The following ILF2 variants were observed in gnomAD, a reference collection of about 807,000 sequenced individuals.
ILF2 encodes the protein interleukin enhancer binding factor 2, also known as interleukin enhancer-binding factor 2.
A neutral mutation model predicts 55.3 loss-of-function variants in ILF2; 9 were observed. That is an observed-to-expected ratio of 0.16 (90% CI 0.10 to 0.28). The LOEUF (loss-of-function observed/expected upper bound fraction) is 0.28, where lower values mean the gene tolerates loss of function less well. ILF2 is among the 10% of genes least tolerant of loss of function. ILF2 has a pLI of 1.00. For missense variants in ILF2, 266 were observed against 474.9 expected (o/e 0.56, Z 4.09); for synonymous variants, 151 against 161.8 (o/e 0.93, Z 0.50).
At chr1:153,668,174 C>T (rs1459777800) in intron 4 of ILF2, 97 bp from the exon 5 acceptor site, 1 of 934,610 alleles carries the variant, frequency 1.1e-6, no homozygotes, top group Non-Finnish European at 1.6e-6. Flanking sequence ...TACAAGCTGA[C>T]TCAATACTGA....
chr1:153,670,112 T>G, intron 2 of ILF2, 59 bp downstream of exon 2: 1 of 1,557,598 alleles, frequency 6.4e-7, no homozygotes. Context: ...AAAACTCCTA[T>G]TTAGATGACA....
At chr1:153,664,303 A>G in intron 9 of ILF2, 93 bp downstream of exon 9, 1 of 1,184,622 alleles carries the variant, frequency 8.4e-7, no homozygotes, top group Non-Finnish European at 1.3e-6. Flanking sequence ...GGTCACAGGC[A>G]AAATAGTTCT....
rs1376141539 is a variant in ILF2, at chr1:153,668,570, T to G, written c.109-13A>C. The G allele has an allele frequency of 2.5e-6, 4 of 1,606,014 alleles. No individual in the cohort carries two copies. Among genetic ancestry groups the G allele is most frequent in the Non-Finnish European group, 2.6e-6 (3 of 1,175,794 alleles). ...AGGCCATTTCACACTAAACCAGAAGTAAACAACTACATTCTATTTGCCGAA... is the reference window on the plus strand; with the variant it reads ...AGGCCATTTCACACTAAACCAGAAGGAAACAACTACATTCTATTTGCCGAA... On this transcript the variant is annotated splice_polypyrimidine_tract_variant and intron_variant, in intron 3 of 13. Transcript: ENST00000361891.
intron 7 of ILF2, 111 bp downstream of exon 7, chr1:153,665,550 ACT>A (rs1669284603): frequency 1.0e-6 from 1 of 994,780 alleles, no homozygotes; most frequent in African/African-American, 1.6e-5. Context: ...ACAACATAAA[ACT>A]CTGCATTTAC....
At chr1:153,669,588 T>C (rs1669393311) in intron 3 of ILF2, among the ~76,000 whole-genome samples, 1 of 152,112 alleles carries the variant, frequency 6.6e-6, no homozygotes, top group South Asian at 2.1e-4. Context: ...GTAGCTGGGA[T>C]TAGACACATG....
chr1:153,662,291 T>C lies in ILF2; in HGVS notation c.*105A>G. 1 of 1,411,254 alleles carries C rather than the reference T, an allele frequency of 7.1e-7. No homozygotes were observed. The highest frequency in any genetic ancestry group is 2.4e-4 in the Middle Eastern group (1 of 4,144). 87.4% of individuals were successfully genotyped at this position (1,411,254 alleles called of 1,614,324 possible). A position where few individuals can be genotyped will look rare whatever the true frequency, so the allele number is the denominator to read the frequency against. On this transcript the variant is annotated 3_prime_UTR_variant, in exon 14 of 14. Transcript: ENST00000361891. ...CTATGGAGTTTACTTTTCTTCCTGC[T>C]ATCTTCCCTATCCCACGGAAATGTC...
intron 6 of ILF2, among the ~76,000 whole-genome samples, chr1:153,666,436 G>T (rs1557952708): frequency 6.6e-6 from 1 of 152,178 alleles, no homozygotes; most frequent in Non-Finnish European, 1.5e-5. Context: ...TAAGTGTTGG[G>T]ATTACAGGCG....
chr1:153,664,624 A>G, intron 8 of ILF2, 150 bp from the exon 9 acceptor site: 5 of 647,720 alleles, frequency 7.7e-6, no homozygotes, highest in Non-Finnish European at 1.4e-5. Context: ...CAGTGGCGTG[A>G]TCTCAGCTCA....
intron 10 of ILF2, 49 bp downstream of exon 10, chr1:153,663,992 CTA>C (rs369602600): frequency 0.34 from 296,583 of 872,126 alleles, 58,466 homozygotes; most frequent in East Asian, 0.54. Flanking sequence ...ACTACTACTA[CTA>C]CTAGTAAATA....
rs568724968 is a variant in ILF2, at chr1:153,669,144, G to T, written c.109-587C>A. ...GAATCGTTTGAACCCTGGAGGCAGA[G>T]GTCCTGATTCCTCTGCCTCCCAGGT... On this transcript the variant is annotated intron_variant, in intron 3 of 13. Coordinates refer to ENST00000361891, the MANE Select transcript of ILF2 (RefSeq NM_004515.4). 7.9e-5 allele frequency among the ~76,000 whole-genome samples: 12 copies of T among 152,104 alleles called. 1 individual carries two copies. In the South Asian group the frequency reaches 2.5e-3, roughly 32 times the overall value.
Position 153,668,534 on chromosome 1 carries a change from G to T in ILF2, c.132C>A (p.Val44=), listed in dbSNP as rs1439611021. ...AGGAAGTTTCATCAGGTGCTGGCTT[G>T]ACCCGGGGAAAGGCCATTTCACACT... is the stretch of plus-strand genomic sequence containing the variant. ...FYLCEMAFPR[V]KPAPDETSFS... The change falls in exon 4 of 14, where the codon GTC becomes GTA. Residue 44 remains valine, a synonymous_variant. Coordinates refer to ENST00000361891, the MANE Select transcript of ILF2 (RefSeq NM_004515.4). 3.7e-6 allele frequency: 6 copies of T among 1,613,606 alleles called. No individual in the cohort carries two copies. In the African/African-American group the frequency reaches 6.7e-5, roughly 18 times the overall value.
chr1:153,664,770 A>C (rs1158671912), intron 8 of ILF2, among the ~76,000 whole-genome samples: 2 of 152,086 alleles, frequency 1.3e-5, no homozygotes, highest in Admixed American at 1.3e-4. Flanking sequence ...GTTGGCCAGG[A>C]TGGTCTCCAA....
Position 153,664,262 on chromosome 1 carries a change from C to T in ILF2, c.657-132G>A, listed in dbSNP as rs897702630. The T allele has an allele frequency of 9.8e-6, 10 of 1,018,420 alleles. No individual in the cohort carries two copies. The African/African-American group carries it at 1.6e-4, about 16-fold the overall frequency. The allele number at this position is 1,018,420 out of a possible 1,614,324, so 63.1% of individuals were successfully genotyped here. Reference sequence around the variant, plus strand: ...GCTTTCTCTAAATCTTAATTTGCTTCCTTAAGGTAAAAATAAAAATCCAGA... The same window carrying T: ...GCTTTCTCTAAATCTTAATTTGCTTTCTTAAGGTAAAAATAAAAATCCAGA... On this transcript the variant is annotated intron_variant, in intron 9 of 13. Transcript: ENST00000361891.
chr1:153,665,574 G>A (rs1669285582), intron 7 of ILF2, 89 bp downstream of exon 7: 1 of 1,137,528 alleles, frequency 8.8e-7, no homozygotes, highest in Non-Finnish European at 1.3e-6. Flanking sequence ...CTTCCATCTG[G>A]TCTGATCTGA....
At position 153,664,065 on chromosome 1, in the gene ILF2, G is replaced by C; in HGVS notation, c.722C>G (p.Thr241Arg). The C allele has an allele frequency of 6.2e-7, 1 of 1,613,066 alleles. No homozygotes were observed. The highest frequency in any genetic ancestry group is 8.5e-7 in the Non-Finnish European group (1 of 1,179,206). Residue 241 changes from threonine to arginine, a missense_variant, in exon 10 of 14, where the codon ACA becomes AGA. By Grantham distance (71) the Thr-to-Arg change is moderately conservative. Transcript: ENST00000361891. Reference protein sequence around the residue: ...RIRFPGFEPLTPWILDLLGHY... With the variant: ...RIRFPGFEPLRPWILDLLGHY... ...TACTAGTAGGTCAAGGATCCAGGGT[G>C]TGAGGGGCTCAAAGCCAGGAAAACG...
At position 153,668,601 on chromosome 1, in the gene ILF2, T is replaced by C. The variant is rs753184612; in HGVS notation, c.109-44A>G. 4 of 1,551,564 alleles carry C rather than the reference T, an allele frequency of 2.6e-6. No individual in the cohort carries two copies. In the South Asian group the frequency reaches 3.6e-5, roughly 14 times the overall value. Reference sequence around the variant, plus strand: ...ACTACATTCTATTTGCCGAAGATAATATACAGGAGAGATTGTTTTTTCTAT... The same window carrying C: ...ACTACATTCTATTTGCCGAAGATAACATACAGGAGAGATTGTTTTTTCTAT... On this transcript the variant is annotated intron_variant, in intron 3 of 13. Coordinates refer to ENST00000361891, the MANE Select transcript of ILF2 (RefSeq NM_004515.4).
chr1:153,670,945 G>A lies in ILF2; in HGVS notation c.-23C>T, dbSNP rs148808005. The A allele has an allele frequency of 1.1e-3, 1,809 of 1,614,176 alleles. 16 individuals are homozygous for A. In the African/African-American group the frequency reaches 0.021, roughly 19 times the overall value. On this transcript the variant is annotated 5_prime_UTR_variant, in exon 1 of 14. Transcript: ENST00000361891. Reference sequence around the variant, plus strand: ...CATGGCGCCTTAAAACACGAACAATGGAGGCCGCACCAACCGCCCCTTCCT... The same window carrying A: ...CATGGCGCCTTAAAACACGAACAATAGAGGCCGCACCAACCGCCCCTTCCT...
chr1:153,664,981 CAGTCCTTTTTA>C (rs1405172326), intron 8 of ILF2, among the ~76,000 whole-genome samples: 1 of 152,248 alleles, frequency 6.6e-6, no homozygotes, highest in African/African-American at 2.4e-5. Context: ...AATATTTTCT[CAGTCCTTTTTA>C]AGTCCTCCAA....
At chr1:153,670,841 T>C (rs1195146854) in intron 1 of ILF2, 77 bp downstream of exon 1, 1 of 1,572,196 alleles carries the variant, frequency 6.4e-7, no homozygotes, top group Non-Finnish European at 8.8e-7. Flanking sequence ...TTTCTGATAC[T>C]CCGACTTCTT....
Sources: gnomAD v4.1 joint callset for allele counts (sites outside exome capture counted in the v4.1 genomes callset) on GRCh38, gnomAD v4.1.1 for gene constraint, MANE v1.5 for transcripts, NCBI Gene and HGNC (gene_info 2026-07-23, HGNC 2026-07-21) for gene names.